AVEN: variants seen among roughly 807,000 people sequenced by gnomAD.
AVEN encodes the protein apoptosis and caspase activation inhibitor.
AVEN carries 41 observed loss-of-function variants against 38.1 expected under a neutral mutation model. That is an observed-to-expected ratio of 1.08 (90% confidence interval 0.84 to 1.40). The LOEUF (loss-of-function observed/expected upper bound fraction) is 1.40. AVEN is among the 40% of genes most tolerant of loss of function. The pLI is 0.00. For missense variants in AVEN, 605 were observed against 438.8 expected (o/e 1.38, Z -3.38); for synonymous variants, 206 against 171.8 (o/e 1.20, Z -1.56).
intron 1 of AVEN, among the ~76,000 whole-genome samples, chr15:34,032,394 C>G (rs1008094658): frequency 6.6e-6 from 1 of 152,118 alleles, no homozygotes; most frequent in Non-Finnish European, 1.5e-5. Flanking sequence ...TTCCAGAAAA[C>G]ACATGCCAGT....
At chr15:33,874,774 T>C (rs1891150016) in intron 3 of AVEN, among the ~76,000 whole-genome samples, 1 of 152,188 alleles carries the variant, frequency 6.6e-6, no homozygotes, top group Non-Finnish European at 1.5e-5. Context: ...GCTCTATGTT[T>C]TGATGAATGA....
intron 2 of AVEN, among the ~76,000 whole-genome samples, chr15:33,969,524 G>A (rs930054942): frequency 2.0e-5 from 3 of 151,538 alleles, no homozygotes; most frequent in African/African-American, 7.3e-5. Flanking sequence ...CAGAGTACTT[G>A]ATAAAACAAA....
intron 1 of AVEN, chr15:34,006,930 A>G (rs1362571751): frequency 1.1e-5 from 4 of 373,612 alleles, no homozygotes; most frequent in Admixed American, 1.3e-4. Flanking sequence ...GAAAAAGAAC[A>G]GAGCAAATAA....
downstream of AVEN, among the ~76,000 whole-genome samples, chr15:33,857,438 T>TACTC: frequency 6.6e-6 from 1 of 152,172 alleles, no homozygotes; most frequent in East Asian, 1.9e-4. Flanking sequence ...CAGTTTAACT[T>TACTC]ACTCACCTCT....
chr15:33,974,278 G>C (rs1371206759), intron 2 of AVEN, among the ~76,000 whole-genome samples: 2 of 152,192 alleles, frequency 1.3e-5, no homozygotes, highest in Non-Finnish European at 2.9e-5. Flanking sequence ...TCAAAGATGA[G>C]TGGAGAAAGT....
At chr15:33,864,207 ATAT>A, downstream of AVEN, 2 of 1,595,290 alleles carry the variant, frequency 1.3e-6, no homozygotes, top group South Asian at 2.2e-5. Context: ...ATTAAGAATC[ATAT>A]ACCCGTGTTA....
At chr15:34,014,390 AC>A (rs66666442) in intron 1 of AVEN, among the ~76,000 whole-genome samples, 3,228 of 28,242 alleles carry the variant, frequency 0.11, 540 homozygotes, top group Non-Finnish European at 0.25. Context: ...AAAAACAAAA[AC>A]AAAAACCACG....
At chr15:33,983,160 ATGTGTGTG>A (rs1491327104) in intron 2 of AVEN, among the ~76,000 whole-genome samples, 2 of 64,534 alleles carry the variant, frequency 3.1e-5, no homozygotes, top group African/African-American at 1.7e-4. Flanking sequence ...GTGTGTGTGT[ATGTGTGTG>A]TGTATATATA....
downstream of AVEN, among the ~76,000 whole-genome samples, chr15:33,863,132 C>G (rs1319707034): frequency 6.6e-6 from 1 of 152,128 alleles, no homozygotes. Flanking sequence ...TGGTCTCTTT[C>G]CTATCTCTAT....
downstream of AVEN, among the ~76,000 whole-genome samples, chr15:33,857,589 C>T (rs537702868): frequency 3.9e-5 from 6 of 152,150 alleles, no homozygotes; most frequent in Non-Finnish European, 7.4e-5. Context: ...GCCCGCTTCT[C>T]TTTACCTGTG....
chr15:34,014,829 C>T (rs1897812347), intron 1 of AVEN, among the ~76,000 whole-genome samples: 1 of 152,080 alleles, frequency 6.6e-6, no homozygotes, highest in African/African-American at 2.4e-5. Context: ...AACTAACTGG[C>T]CAAAAGCTCT....
At chr15:33,893,169 G>A (rs144587509) in intron 2 of AVEN, among the ~76,000 whole-genome samples, 2 of 152,192 alleles carry the variant, frequency 1.3e-5, no homozygotes, top group East Asian at 3.9e-4. Flanking sequence ...CTGCAAACAG[G>A]GACAATTTGA....
At chr15:33,935,278 C>T (rs986474025) in intron 2 of AVEN, among the ~76,000 whole-genome samples, 2 of 152,146 alleles carry the variant, frequency 1.3e-5, no homozygotes, top group African/African-American at 4.8e-5. Context: ...TTCTAGGACT[C>T]TATCACACAA....
At chr15:33,983,160 A>ATATATGTG (rs1555512751) in intron 2 of AVEN, among the ~76,000 whole-genome samples, 3 of 64,536 alleles carry the variant, frequency 4.6e-5, no homozygotes, top group African/African-American at 2.5e-4. Context: ...GTGTGTGTGT[A>ATATATGTG]TGTGTGTGTG....
intron 2 of AVEN, among the ~76,000 whole-genome samples, chr15:33,962,556 C>A (rs1597279371): frequency 6.6e-6 from 1 of 152,216 alleles, no homozygotes; most frequent in South Asian, 2.1e-4. Context: ...TCTAAGGAAT[C>A]ATCATATTTT....
intron 2 of AVEN, among the ~76,000 whole-genome samples, chr15:33,919,666 G>A (rs969261904): frequency 6.6e-6 from 1 of 152,106 alleles, no homozygotes; most frequent in African/African-American, 2.4e-5. Flanking sequence ...GAGCACAGAG[G>A]GAAAAGAAGA....
At position 33,918,458 on chromosome 15, in the gene AVEN, C is replaced by CTT. The variant is rs33928063; in HGVS notation, c.446-42465_446-42464dup. ...GTGTCTTCCCAGTCTTAAATTACAGCTTTTTTTTTTTTTTTTTTTTTTTTT... is the reference window on the plus strand; with the variant it reads ...GTGTCTTCCCAGTCTTAAATTACAGCTTTTTTTTTTTTTTTTTTTTTTTTTTT... On this transcript the variant is annotated intron_variant, in intron 2 of 5. Transcript: ENST00000306730. Among the ~76,000 whole-genome samples the CTT allele has an allele frequency of 9.5e-4, 80 of 84,506 alleles. 8 individuals are homozygous for CTT. The highest frequency in any genetic ancestry group is 2.0e-3 in the Admixed American group (11 of 5,474). The allele number at this position is 84,506 out of a possible 152,430, so 55.4% of individuals were successfully genotyped here.
Position 33,947,208 on chromosome 15 carries a change from C to T in AVEN, c.445+55824G>A, listed in dbSNP as rs566167781. The stretch of plus-strand genomic sequence containing the variant: ...TTTCCCATCTAACTCTGGGACACCA[C>T]GGACAGAAAATGCTGGCTTCCAGAC... On this transcript the variant is annotated intron_variant, in intron 2 of 5. Coordinates refer to ENST00000306730, the MANE Select transcript of AVEN (RefSeq NM_020371.3). Among the ~76,000 whole-genome samples the T allele has an allele frequency of 5.3e-5, 8 of 152,294 alleles. No individual in the cohort carries two copies. In the South Asian group the frequency reaches 1.5e-3, roughly 28 times the overall value.
chr15:33,963,796 CAAAAA>C (rs57116335), intron 2 of AVEN, among the ~76,000 whole-genome samples: 4 of 112,490 alleles, frequency 3.6e-5, no homozygotes, highest in Admixed American at 2.8e-4. Flanking sequence ...GACTCTGTCT[CAAAAA>C]AAAAAAAAAA....
Sources: allele counts gnomAD v4.1 joint callset (sites outside exome capture counted in the v4.1 genomes callset), GRCh38; gene constraint gnomAD v4.1.1; transcripts MANE v1.5; gene names NCBI Gene and HGNC (gene_info 2026-07-23, HGNC 2026-07-21).